EGFR: variants seen among roughly 807,000 people sequenced by gnomAD.
The protein encoded by EGFR is avian erythroblastic leukemia viral (v-erb-b) oncogene homolog.
EGFR carries 58 observed loss-of-function variants against 143.0 expected under a neutral mutation model. The observed-to-expected ratio is 0.41, with a 90% confidence interval of 0.33 to 0.50. The LOEUF (loss-of-function observed/expected upper bound fraction) is 0.50. Among genes scored for constraint, EGFR ranks in the 20% least tolerant of loss-of-function variants. The pLI is 0.39. For synonymous variants in EGFR, 613 were observed against 594.4 expected (o/e 1.03, Z -0.45); for missense variants, 1,307 against 1,579.0 (o/e 0.83, Z 2.92).
intron 15 of EGFR, chr7:55,170,241 A>G: frequency 6.2e-7 from 1 of 1,612,938 alleles, no homozygotes; most frequent in African/African-American, 1.3e-5. Context: ...GGATCAGATT[A>G]TAGTGTTACA....
chr7:55,202,545 G>T lies in EGFR; in HGVS notation c.3191G>T (p.Ser1064Ile), dbSNP rs1339648899. 1 of 1,612,414 alleles carries T rather than the reference G, an allele frequency of 6.2e-7. No homozygotes were observed. Among genetic ancestry groups the T allele is most frequent in the East Asian group, 2.2e-5 (1 of 44,772 alleles). ...GLQSCPIKEDSFLQRYSSDPT... is the reference protein window; with the variant it reads ...GLQSCPIKEDIFLQRYSSDPT... ...CAAAGCTGTCCCATCAAGGAAGACA[G>T]CTTCTTGCAGCGATACAGCTCAGAC... The change falls in exon 27 of 28, where the codon AGC becomes ATC. Residue 1064 changes from serine to isoleucine, a missense_variant. Coordinates refer to ENST00000275493, the MANE Select transcript of EGFR (RefSeq NM_005228.5).
At chr7:55,027,890 C>T (rs1363684270) in intron 1 of EGFR, among the ~76,000 whole-genome samples, 1 of 150,382 alleles carries the variant, frequency 6.6e-6, no homozygotes, top group Non-Finnish European at 1.5e-5. Flanking sequence ...TTGCAGACAT[C>T]CTTTGGAAAC....
intron 1 of EGFR, among the ~76,000 whole-genome samples, chr7:55,027,975 TAAA>T (rs5884397): frequency 0.054 from 4,411 of 81,320 alleles, 158 homozygotes; most frequent in Middle Eastern, 0.16. Flanking sequence ...TGCCTTTATG[TAAA>T]AAAAAAAAAA....
chr7:55,141,659 T>A (rs1415050096), intron 1 of EGFR, among the ~76,000 whole-genome samples: 1 of 152,230 alleles, frequency 6.6e-6, no homozygotes, highest in African/African-American at 2.4e-5. Context: ...ATATTTTTAA[T>A]CTCCAGCCAG....
At chr7:55,051,633 GA>G (rs1159196698) in intron 1 of EGFR, among the ~76,000 whole-genome samples, 5 of 152,162 alleles carry the variant, frequency 3.3e-5, no homozygotes, top group African/African-American at 4.8e-5. Context: ...TTCTGTTATA[GA>G]AACACAAAAT....
intron 1 of EGFR, among the ~76,000 whole-genome samples, chr7:55,091,509 C>T (rs1194584354): frequency 4.6e-5 from 7 of 152,194 alleles, no homozygotes; most frequent in Non-Finnish European, 1.0e-4. Context: ...CAGTTATCCA[C>T]ACCCCTCCCA....
In EGFR at chr7:55,147,391, C is replaced by T. The variant is rs741151; in HGVS notation, c.559+651C>T. Among the ~76,000 whole-genome samples, 513 of 152,306 alleles carry T rather than the reference C, an allele frequency of 3.4e-3. 1 individual carries two copies. Among genetic ancestry groups the T allele is most frequent in the African/African-American group, 9.1e-3 (380 of 41,568 alleles). ...ACACTCACCCAGCTCCCCTGGGCTG[C>T]GCCCGTTCCTGATCGCTTGGACTTT... On this transcript the variant is annotated intron_variant, in intron 4 of 27. Coordinates refer to ENST00000275493, the MANE Select transcript of EGFR (RefSeq NM_005228.5).
intron 1 of EGFR, among the ~76,000 whole-genome samples, chr7:55,131,632 C>T (rs74377408): frequency 0.028 from 4,296 of 152,242 alleles, 225 homozygotes; most frequent in African/African-American, 0.099. Context: ...TCTCCCCAAG[C>T]TACCCCAAAG....
At chr7:55,071,089 C>T (rs912584520) in intron 1 of EGFR, among the ~76,000 whole-genome samples, 2 of 152,188 alleles carry the variant, frequency 1.3e-5, no homozygotes, top group African/African-American at 2.4e-5. Flanking sequence ...TCTGTGGCTC[C>T]GGTGTCTCAG....
chr7:55,029,138 G>A (rs1014238174), intron 1 of EGFR, among the ~76,000 whole-genome samples: 3 of 152,238 alleles, frequency 2.0e-5, no homozygotes, highest in African/African-American at 7.2e-5. Flanking sequence ...CAGCCTAGGC[G>A]ACAGAGCAAG....
At chr7:55,107,609 G>T (rs1792215277) in intron 1 of EGFR, among the ~76,000 whole-genome samples, 1 of 152,210 alleles carries the variant, frequency 6.6e-6, no homozygotes, top group Non-Finnish European at 1.5e-5. Context: ...CCCAAGCACT[G>T]CCCTGCCAGG....
chr7:55,069,074 C>T (rs1242104453), intron 1 of EGFR, among the ~76,000 whole-genome samples: 1 of 152,196 alleles, frequency 6.6e-6, no homozygotes. Flanking sequence ...CAGTTTGAGG[C>T]TTTGAGTACC....
chr7:55,099,992 T>A (rs1791708164), intron 1 of EGFR, among the ~76,000 whole-genome samples: 1 of 152,190 alleles, frequency 6.6e-6, no homozygotes, highest in Non-Finnish European at 1.5e-5. Context: ...ATGGTTTCAA[T>A]CCTTTTTTAA....
At chr7:55,188,645 G>T (rs928527592) in intron 20 of EGFR, among the ~76,000 whole-genome samples, 3 of 152,060 alleles carry the variant, frequency 2.0e-5, no homozygotes, top group African/African-American at 4.8e-5. Flanking sequence ...TTCTTCCTGC[G>T]ACCTCTGCTC....
chr7:55,131,753 G>C (rs901351409), intron 1 of EGFR, among the ~76,000 whole-genome samples: 2 of 152,112 alleles, frequency 1.3e-5, no homozygotes, highest in Non-Finnish European at 2.9e-5. Flanking sequence ...AGGCCCTGGG[G>C]TGTCCAGCAT....
intron 25 of EGFR, 118 bp from the exon 26 acceptor site, chr7:55,201,617 G>A (rs2128972292): frequency 7.3e-7 from 1 of 1,372,896 alleles, no homozygotes; most frequent in Middle Eastern, 1.8e-4. Flanking sequence ...TAACGATTAA[G>A]ACAAAAATTA....
chr7:55,070,493 G>A (rs1166017751), intron 1 of EGFR, among the ~76,000 whole-genome samples: 3 of 152,098 alleles, frequency 2.0e-5, no homozygotes, highest in Non-Finnish European at 4.4e-5. Flanking sequence ...TTTAGTTCGG[G>A]GATACAAATA....
intron 20 of EGFR, among the ~76,000 whole-genome samples, chr7:55,184,396 C>G (rs1787038149): frequency 6.6e-6 from 1 of 152,212 alleles, no homozygotes; most frequent in Admixed American, 6.5e-5. Flanking sequence ...CTGCTCATGA[C>G]CTGCTCTCCA....
At chr7:55,126,060 C>A (rs1394184492) in intron 1 of EGFR, among the ~76,000 whole-genome samples, 1 of 152,206 alleles carries the variant, frequency 6.6e-6, no homozygotes, top group African/African-American at 2.4e-5. Context: ...GCCCCCAACT[C>A]TTCCCCACAT....
Sources: gnomAD v4.1 joint callset for allele counts (sites outside exome capture counted in the v4.1 genomes callset) on GRCh38, gnomAD v4.1.1 for gene constraint, MANE v1.5 for transcripts, NCBI Gene and HGNC (gene_info 2026-07-23, HGNC 2026-07-21) for gene names.